ZNF462: variants seen among roughly 807,000 people sequenced by gnomAD.
ZNF462 encodes zinc finger PBX1-interacting protein.
Under a neutral mutation model 201.9 loss-of-function variants are expected in ZNF462, and 10 were observed. That is an observed-to-expected ratio of 0.05 (90% CI 0.03 to 0.08). The LOEUF (loss-of-function observed/expected upper bound fraction) is 0.08, where lower values mean the gene tolerates loss of function less well. Among genes scored for constraint, ZNF462 ranks in the 10% least tolerant of loss-of-function variants. The pLI is 1.00. For missense variants in ZNF462, 2,523 were observed against 3,168.3 expected, an observed-to-expected ratio of 0.80 and a Z score of 4.89; for synonymous variants, 1,227 against 1,193.3, an observed-to-expected ratio of 1.03 and a Z score of -0.58.
At chr9:106,953,893 C>A (rs187751321) in intron 7 of ZNF462, among the ~76,000 whole-genome samples, 1 of 152,294 alleles carries the variant, frequency 6.6e-6, no homozygotes, top group East Asian at 1.9e-4. Flanking sequence ...CACTCCAGGT[C>A]TTGTTGGACC....
At chr9:106,867,361 A>C (rs10978663) in intron 1 of ZNF462, among the ~76,000 whole-genome samples, 2 of 152,148 alleles carry the variant, frequency 1.3e-5, no homozygotes, top group African/African-American at 2.4e-5. Flanking sequence ...TTATTATGCA[A>C]ATTTTTTGCC....
At chr9:106,898,735 T>G (rs7020870) in intron 1 of ZNF462, among the ~76,000 whole-genome samples, 66,790 of 151,828 alleles carry the variant, frequency 0.44, 16,568 homozygotes, top group African/African-American at 0.68. Context: ...AGGAAGAGTT[T>G]GCCATGATGG....
chr9:106,918,376 T>C (rs1041619392), intron 1 of ZNF462, among the ~76,000 whole-genome samples: 1 of 152,240 alleles, frequency 6.6e-6, no homozygotes, highest in Non-Finnish European at 1.5e-5. Context: ...TGTTTGTGTA[T>C]AGATATATAT....
intron 7 of ZNF462, among the ~76,000 whole-genome samples, chr9:106,942,131 C>A (rs1358906246): frequency 6.6e-6 from 1 of 152,208 alleles, no homozygotes; most frequent in Non-Finnish European, 1.5e-5. Flanking sequence ...ACCAGTGTGT[C>A]TTTGGCTTTC....
chr9:106,875,123 A>C (rs1827771885), intron 1 of ZNF462, among the ~76,000 whole-genome samples: 1 of 152,160 alleles, frequency 6.6e-6, no homozygotes, highest in Non-Finnish European at 1.5e-5. Context: ...TCTCAACGGT[A>C]AATATCTGAT....
chr9:106,869,300 C>T (rs1037128579), intron 1 of ZNF462, among the ~76,000 whole-genome samples: 1 of 152,164 alleles, frequency 6.6e-6, no homozygotes, highest in South Asian at 2.1e-4. Flanking sequence ...CTCCGTGTAT[C>T]TTCTTGGAGC....
In ZNF462 at chr9:106,977,238, C is replaced by G. The variant is rs546578648; in HGVS notation, c.6832+2965C>G. Among the ~76,000 whole-genome samples, 1 of 147,328 alleles carries G rather than the reference C, an allele frequency of 6.8e-6. No homozygotes were observed. Among genetic ancestry groups the G allele is most frequent in the South Asian group, 2.1e-4 (1 of 4,822 alleles). On this transcript the variant is annotated intron_variant, in intron 9 of 12. Transcript: ENST00000277225. The surrounding 1 kb of genome is among the most constrained non-coding windows in gnomAD (Gnocchi z 4.6). The stretch of plus-strand genomic sequence containing the variant: ...CTTGCAATTTTGAGTTGGGGCTGAT[C>G]TCAAAGTAACAAGACATGGCTCCTT...
At chr9:106,946,699 T>C (rs1831121451) in intron 7 of ZNF462, among the ~76,000 whole-genome samples, 1 of 152,044 alleles carries the variant, frequency 6.6e-6, no homozygotes, top group African/African-American at 2.4e-5. Flanking sequence ...CCCGGTGTTG[T>C]GGCTCGTGCC....
chr9:106,864,109 T>TCTCTCTCTCTCC, intron 1 of ZNF462, among the ~76,000 whole-genome samples: 1 of 115,382 alleles, frequency 8.7e-6, no homozygotes, highest in African/African-American at 3.7e-5. Context: ...TCTCTCTCTC[T>TCTCTCTCTCTCC]CCCTCTCCCC....
At position 106,991,763 on chromosome 9, in the gene ZNF462, A is replaced by AT. The variant is rs551039757; in HGVS notation, c.7056+7364dup. On this transcript the variant is annotated intron_variant, in intron 10 of 12. Transcript: ENST00000277225. ...GTGTTAAGGTAATAGGGAAAGGATG[A>AT]TTTTTTTTTTAAATGGTGCTGAAAC... Among the ~76,000 whole-genome samples, 54 of 147,942 alleles carry AT rather than the reference A, an allele frequency of 3.7e-4. No homozygotes were observed. The South Asian group carries it at 9.1e-3, about 25-fold the overall frequency.
chr9:106,996,261 TGCCACAATA>T (rs549460506), intron 10 of ZNF462, among the ~76,000 whole-genome samples: 320 of 152,330 alleles, frequency 2.1e-3, no homozygotes, highest in Admixed American at 5.1e-3. Flanking sequence ...TTGTGAATAG[TGCCACAATA>T]AACATACGTG....
intron 1 of ZNF462, among the ~76,000 whole-genome samples, chr9:106,912,177 A>G (rs372707221): frequency 3.3e-5 from 5 of 152,282 alleles, no homozygotes; most frequent in South Asian, 4.2e-4. Flanking sequence ...CACATTTTCC[A>G]TAAGAAACAA....
intron 10 of ZNF462, among the ~76,000 whole-genome samples, chr9:106,999,363 T>C (rs757937838): frequency 6.6e-6 from 1 of 152,188 alleles, no homozygotes; most frequent in Non-Finnish European, 1.5e-5. Context: ...TTTGACCCTG[T>C]AATTTCACAT....
intron 10 of ZNF462, among the ~76,000 whole-genome samples, chr9:106,986,150 G>A (rs776105846): frequency 2.1e-4 from 32 of 152,146 alleles, no homozygotes; most frequent in Non-Finnish European, 4.0e-4. Context: ...GTTGTTGCAC[G>A]GTAGCTTGCA....
intron 7 of ZNF462, among the ~76,000 whole-genome samples, chr9:106,964,674 A>T (rs1831991950): frequency 6.6e-6 from 1 of 151,434 alleles, no homozygotes; most frequent in Admixed American, 6.6e-5. Context: ...CTTAACAGTA[A>T]TTTTTTTTTA....
intron 9 of ZNF462, among the ~76,000 whole-genome samples, chr9:106,983,691 C>T (rs1280556098): frequency 1.3e-5 from 2 of 152,166 alleles, no homozygotes; most frequent in Non-Finnish European, 2.9e-5. Context: ...ATGAGAGTAA[C>T]TCCAGCCTCA....
chr9:106,946,626 C>T (rs1289849431), intron 7 of ZNF462, among the ~76,000 whole-genome samples: 5 of 152,040 alleles, frequency 3.3e-5, no homozygotes, highest in South Asian at 2.1e-4. Context: ...TTGCTAGAGT[C>T]GAGGGTATGT....
At chr9:106,936,534 C>G (rs1201270330) in intron 6 of ZNF462, among the ~76,000 whole-genome samples, 1 of 152,164 alleles carries the variant, frequency 6.6e-6, no homozygotes, top group African/African-American at 2.4e-5. Context: ...CTCCCAGTTG[C>G]CTCAAACTCC....
At position 106,895,747 on chromosome 9, in the gene ZNF462, A is replaced by T. The variant is rs1161934533; in HGVS notation, c.-30-27607A>T. On this transcript the variant is annotated intron_variant, in intron 1 of 12. Transcript: ENST00000277225. This position sits in a 1 kb window ranked among gnomAD's most constrained non-coding sequence, Gnocchi z 4.4. ...ATGTTAGTTCTAGTGACCTGTGCTG[A>T]TTGCTAGCTTTCAAGAACATTCATG... 6.6e-6 allele frequency among the ~76,000 whole-genome samples: 1 copy of T among 152,128 alleles called. No homozygotes were observed. The highest frequency in any genetic ancestry group is 1.5e-5 in the Non-Finnish European group (1 of 68,028).
Sources: gnomAD v4.1 joint callset for allele counts (sites outside exome capture counted in the v4.1 genomes callset) on GRCh38, gnomAD v4.1.1 for gene constraint, Gnocchi (gnomAD v3.1) non-coding constraint, MANE v1.5 for transcripts, NCBI Gene and HGNC (gene_info 2026-07-23, HGNC 2026-07-21) for gene names.